CERS4: variants seen among roughly 807,000 people sequenced by gnomAD.
CERS4 encodes the protein LAG1 homolog, ceramide synthase 4.
In CERS4, 65 loss-of-function variants were observed where a neutral mutation model predicts 51.8. That is an observed-to-expected ratio of 1.26 (90% confidence interval 1.03 to 1.54). CERS4 has a LOEUF of 1.54. CERS4 is among the 40% of genes most tolerant of loss of function. The pLI, the probability that CERS4 is intolerant of heterozygous loss-of-function variation, is 0.00. For missense variants in CERS4, 563 were observed against 500.4 expected, an observed-to-expected ratio of 1.13 and a Z score of -1.19; for synonymous variants, 228 against 208.4, an observed-to-expected ratio of 1.09 and a Z score of -0.81.
chr19:8,259,265 TTGATCAGAGGGGAAG>T (rs1969555129), intron 10 of CERS4, among the ~76,000 whole-genome samples: 1 of 151,692 alleles, frequency 6.6e-6, no homozygotes, highest in Non-Finnish European at 1.5e-5. Flanking sequence ...CAGAACCACG[TTGATCAGAGGGGAAG>T]TGTGTTCCAG....
chr19:8,227,806 G>A (rs1967847869), intron 2 of CERS4, among the ~76,000 whole-genome samples: 1 of 152,130 alleles, frequency 6.6e-6, no homozygotes, highest in African/African-American at 2.4e-5. Flanking sequence ...GTAGAATGGT[G>A]GGTGCCAAAG....
At chr19:8,213,434 G>A (rs1967159435) in intron 2 of CERS4, among the ~76,000 whole-genome samples, 1 of 151,984 alleles carries the variant, frequency 6.6e-6, no homozygotes, top group Admixed American at 6.6e-5. Context: ...TGAGAGCTGG[G>A]ACCACAGGCA....
chr19:8,220,146 C>T lies in CERS4; in HGVS notation c.-2+9284C>T, dbSNP rs572578252. Reference sequence around the variant, plus strand: ...GCTCTCCTCGCCCCCTCCCACCCCTCGGCTGTGTGTCCCCTTATTCCTGCC... The same window carrying T: ...GCTCTCCTCGCCCCCTCCCACCCCTTGGCTGTGTGTCCCCTTATTCCTGCC... On this transcript the variant is annotated intron_variant, in intron 2 of 11. Transcript: ENST00000251363. 3.9e-5 allele frequency among the ~76,000 whole-genome samples: 6 copies of T among 151,912 alleles called. No homozygotes were observed. The East Asian group carries it at 5.8e-4, about 15-fold the overall frequency.
At chr19:8,261,066 G>C (rs539086514) in intron 10 of CERS4, 1 of 152,690 alleles carries the variant, frequency 6.5e-6, no homozygotes, top group Admixed American at 6.5e-5. Flanking sequence ...AGGAGTTCGA[G>C]GGAAGGAGCA....
intron 3 of CERS4, among the ~76,000 whole-genome samples, 190 bp downstream of exon 3, chr19:8,251,439 G>A (rs1308574053): frequency 6.6e-6 from 1 of 152,014 alleles, no homozygotes; most frequent in Non-Finnish European, 1.5e-5. Context: ...CTGGTTTATA[G>A]GAACACTGAC....
At chr19:8,251,279 C>T (rs777245209) in intron 3 of CERS4, 30 bp downstream of exon 3, 55 of 1,546,012 alleles carry the variant, frequency 3.6e-5, no homozygotes, top group Admixed American at 1.4e-4. Flanking sequence ...CAATCCATTG[C>T]CCCCGCAGTC....
intron 2 of CERS4, among the ~76,000 whole-genome samples, chr19:8,214,162 C>T (rs1041445395): frequency 2.3e-5 from 3 of 130,700 alleles, no homozygotes; most frequent in Non-Finnish European, 5.3e-5. Flanking sequence ...GGTCCCATGA[C>T]ACTGTGTCTG....
chr19:8,233,953 A>C (rs1028027119), intron 2 of CERS4, among the ~76,000 whole-genome samples: 1 of 149,572 alleles, frequency 6.7e-6, no homozygotes, highest in African/African-American at 2.5e-5. Context: ...CTGGGTGGTG[A>C]AGGTTGCAGT....
chr19:8,219,774 G>A (rs1305000891), intron 2 of CERS4, among the ~76,000 whole-genome samples: 1 of 151,850 alleles, frequency 6.6e-6, no homozygotes, highest in Non-Finnish European at 1.5e-5. Flanking sequence ...AGCTAAGACT[G>A]TGCTTCTGCA....
At chr19:8,256,836 C>T (rs1287783263) in intron 8 of CERS4, 113 bp from the exon 9 acceptor site, 1 of 1,585,408 alleles carries the variant, frequency 6.3e-7, no homozygotes, top group Non-Finnish European at 8.6e-7. Flanking sequence ...ATATAGAGGC[C>T]ATGGGCCCAG....
chr19:8,216,800 T>C (rs551164941), intron 2 of CERS4, among the ~76,000 whole-genome samples: 11 of 152,110 alleles, frequency 7.2e-5, no homozygotes, highest in African/African-American at 2.6e-4. Flanking sequence ...GGCTGCAGCC[T>C]GAGAGGTTGG....
At chr19:8,251,566 C>G (rs1969081688) in intron 3 of CERS4, among the ~76,000 whole-genome samples, 1 of 152,222 alleles carries the variant, frequency 6.6e-6, no homozygotes, top group African/African-American at 2.4e-5. Flanking sequence ...AATCCCAGCA[C>G]TTTGAGAGGC....
chr19:8,256,922 C>T, intron 8 of CERS4, 27 bp from the exon 9 acceptor site: 1 of 1,613,984 alleles, frequency 6.2e-7, no homozygotes, highest in Non-Finnish European at 8.5e-7. Flanking sequence ...AAGCCTCGTC[C>T]CCACTATGAC....
Position 8,255,836 on chromosome 19 carries a change from TCTAC to T in CERS4, c.428_431del (p.Tyr143CysfsTer21), listed in dbSNP as rs1332014594. On this transcript the variant is annotated frameshift_variant, in exon 6 of 12. Transcript: ENST00000251363. LOFTEE classifies it high-confidence loss of function. Reference sequence around the variant, plus strand: ...CCCATCCACAGCTGGAGGTTTCTCTTCTACCTGTCCTCCTTCGTGGGCGGCCTCT... The same window carrying T: ...CCCATCCACAGCTGGAGGTTTCTCTTCTGTCCTCCTTCGTGGGCGGCCTCT... 3.7e-6 allele frequency: 6 copies of T among 1,613,868 alleles called. No individual in the cohort carries two copies. In the African/African-American group the frequency reaches 5.3e-5, roughly 14 times the overall value.
At chr19:8,246,785 C>G (rs1204901035) in intron 2 of CERS4, among the ~76,000 whole-genome samples, 1 of 151,958 alleles carries the variant, frequency 6.6e-6, no homozygotes, top group Non-Finnish European at 1.5e-5. Context: ...GAATGGAATG[C>G]AAAGGGGAGA....
chr19:8,221,135 T>TC, intron 2 of CERS4, among the ~76,000 whole-genome samples: 2 of 151,842 alleles, frequency 1.3e-5, no homozygotes, highest in East Asian at 3.9e-4. Flanking sequence ...TGTGTATTTT[T>TC]TTTTTTTTTT....
rs755635016 is a variant in CERS4 at position 8,261,854 on chromosome 19, G to C, written c.1005+10G>C. ...CATGAAGAAGGGCCAGGTATGGCTG[G>C]ACCTCCCCGGGGGCCCCAGCCCTAA... On this transcript the variant is annotated intron_variant, in intron 11 of 11. Transcript: ENST00000251363. 7 of 1,613,910 alleles carry C rather than the reference G, an allele frequency of 4.3e-6. No homozygotes were observed. In the African/African-American group the frequency reaches 9.3e-5, roughly 22 times the overall value.
intron 3 of CERS4, 62 bp from the exon 4 acceptor site, chr19:8,254,437 C>A: frequency 6.6e-7 from 1 of 1,509,078 alleles, no homozygotes; most frequent in South Asian, 1.1e-5. Flanking sequence ...ATGTCTGCCC[C>A]CACACACAGG....
intron 2 of CERS4, among the ~76,000 whole-genome samples, chr19:8,211,578 CAG>C (rs751933147): frequency 7.0e-4 from 106 of 152,266 alleles, no homozygotes; most frequent in Non-Finnish European, 1.0e-3. Flanking sequence ...GAGAATATCA[CAG>C]AGCTGGAGGC....
Sources: gnomAD v4.1 joint callset for allele counts (sites outside exome capture counted in the v4.1 genomes callset) on GRCh38, gnomAD v4.1.1 for gene constraint, MANE v1.5 for transcripts, NCBI Gene and HGNC (gene_info 2026-07-23, HGNC 2026-07-21) for gene names.